ZNF654: variants seen among roughly 807,000 people sequenced by gnomAD.
ZNF654 encodes melanoma-associated antigen.
ZNF654 carries 19 observed loss-of-function variants against 95.3 expected under a neutral mutation model. The ratio of observed to expected loss-of-function variants is 0.20; its 90% CI spans 0.14 to 0.29. The LOEUF is 0.29. Ranked by LOEUF, ZNF654 falls within the 10% of genes least tolerant of loss-of-function variation. The pLI is 1.00. For missense variants in ZNF654, 1,046 were observed against 1,341.0 expected, an observed-to-expected ratio of 0.78 and a Z score of 3.44; for synonymous variants, 413 against 457.9, an observed-to-expected ratio of 0.90 and a Z score of 1.25.
At chr3:88,065,150 G>GGATA (rs1309175939) in intron 1 of ZNF654, among the ~76,000 whole-genome samples, 1 of 152,082 alleles carries the variant, frequency 6.6e-6, no homozygotes, top group East Asian at 1.9e-4. Context: ...GGCACATTTG[G>GGATA]GATATTTCAA....
chr3:88,089,153 T>TTGATTA (rs1336825829), intron 2 of ZNF654, among the ~76,000 whole-genome samples: 2 of 151,712 alleles, frequency 1.3e-5, no homozygotes, highest in African/African-American at 4.8e-5. Flanking sequence ...TTTGAACTTT[T>TTGATTA]TGATTATACC....
chr3:88,059,439 T>C lies in ZNF654; in HGVS notation c.120T>C (p.Ala40=). The C allele has an allele frequency of 6.6e-7, 1 of 1,521,192 alleles. No homozygotes were observed. The highest frequency in any genetic ancestry group is 8.8e-7 in the Non-Finnish European group (1 of 1,141,738). 94.2% of individuals were successfully genotyped at this position (1,521,192 alleles called of 1,614,324 possible). The change falls in exon 1 of 9, where the codon GCT becomes GCC. Residue 40 remains alanine, a synonymous_variant. Transcript: ENST00000636215. The part of the protein sequence containing the change: ...LRAAGDGRGG[A]GSGNCGGGVG... The stretch of plus-strand genomic sequence containing the variant: ...CTGCGGGCGACGGCAGAGGCGGCGC[T>C]GGCAGCGGCAACTGCGGCGGCGGCG...
At chr3:88,138,540 A>G (rs182105516) in intron 7 of ZNF654, among the ~76,000 whole-genome samples, 165 bp from the exon 8 acceptor site, 389 of 152,320 alleles carry the variant, frequency 2.6e-3, no homozygotes, top group African/African-American at 9.1e-3. Flanking sequence ...AGAGAAAGGT[A>G]TATATTTAAA....
chr3:88,070,917 C>G (rs1559689773), intron 1 of ZNF654, among the ~76,000 whole-genome samples: 1 of 152,062 alleles, frequency 6.6e-6, no homozygotes, highest in African/African-American at 2.4e-5. Context: ...ATGATGGATA[C>G]TTTTTTTCTC....
chr3:88,088,466 C>T (rs149860354), intron 2 of ZNF654, among the ~76,000 whole-genome samples: 334 of 151,930 alleles, frequency 2.2e-3, no homozygotes, highest in Middle Eastern at 6.8e-3. Context: ...ATCAGTATCA[C>T]GCTGTGTGAA....
intron 2 of ZNF654, among the ~76,000 whole-genome samples, chr3:88,109,457 C>G (rs1012594963): frequency 1.3e-5 from 2 of 152,028 alleles, no homozygotes; most frequent in African/African-American, 4.8e-5. Flanking sequence ...CCTAATTTTC[C>G]TTTACTTAAA....
At chr3:88,106,093 G>T (rs1004771633) in intron 2 of ZNF654, among the ~76,000 whole-genome samples, 1 of 152,188 alleles carries the variant, frequency 6.6e-6, no homozygotes, top group African/African-American at 2.4e-5. Flanking sequence ...CTGATGAGCT[G>T]CCAGAACTGG....
At chr3:88,087,232 C>T (rs1157247763) in intron 2 of ZNF654, among the ~76,000 whole-genome samples, 1 of 152,002 alleles carries the variant, frequency 6.6e-6, no homozygotes, top group East Asian at 1.9e-4. Context: ...TGTGCACCAC[C>T]ATGCCTGGAT....
chr3:88,083,119 A>G (rs1352444149), intron 1 of ZNF654, among the ~76,000 whole-genome samples: 1 of 150,758 alleles, frequency 6.6e-6, no homozygotes, highest in Non-Finnish European at 1.5e-5. Context: ...ATAGGACTTC[A>G]CCTTTATGAC....
At chr3:88,114,441 A>G (rs1004773460) in intron 3 of ZNF654, among the ~76,000 whole-genome samples, 1 of 152,162 alleles carries the variant, frequency 6.6e-6, no homozygotes, top group Non-Finnish European at 1.5e-5. Flanking sequence ...TTCCCTTGTA[A>G]GCAGGGTGCC....
At position 88,138,918 on chromosome 3, in the gene ZNF654, C is replaced by A. The variant is rs1179181509; in HGVS notation, c.1249C>A (p.Arg417Ser). 4 of 1,234,994 alleles carry A rather than the reference C, an allele frequency of 3.2e-6. No individual in the cohort carries two copies. The highest frequency in any genetic ancestry group is 1.6e-5 in the African/African-American group (1 of 64,412). The allele number at this position is 1,234,994 out of a possible 1,614,324, so 76.5% of individuals were successfully genotyped here. A position where few individuals can be genotyped will look rare whatever the true frequency, so the allele number is the denominator to read the frequency against. The change falls in exon 8 of 9, where the codon CGT (arginine) becomes AGT (serine). Residue 417 changes from arginine to serine, a missense_variant. Physicochemically the swap from Arg to Ser is moderately radical, Grantham distance 110. Coordinates refer to ENST00000636215, the MANE Select transcript of ZNF654 (RefSeq NM_001350134.2). ...AYRTVEELYK[R>S]PDEEYNEGTS... Reference sequence around the variant, plus strand: ...TCGTACTGTTGAAGAGCTTTACAAACGTCCAGATGAAGAATATAATGAAGG... The same window carrying A: ...TCGTACTGTTGAAGAGCTTTACAAAAGTCCAGATGAAGAATATAATGAAGG...
In ZNF654 at chr3:88,140,674, T is replaced by G; in HGVS notation, c.3005T>G (p.Ile1002Ser). The change falls in exon 8 of 9, where the codon ATC becomes AGC. Residue 1002 changes from isoleucine (I) to serine (S), a missense_variant. By Grantham distance (142) the Ile-to-Ser change is moderately radical. Around this residue, in one of 9 missense-constraint regions of ZNF654, gnomAD observed 495 missense variants for 537.0 expected, o/e 0.92. Transcript: ENST00000636215. Reference protein sequence around the residue: ...DPALKIDTNRIRTENGSILPS... With the variant: ...DPALKIDTNRSRTENGSILPS... ...GCTTTGAAAATTGATACAAACAGAA[T>G]CAGGACAGAAAATGGTTCCATTTTG... The G allele has an allele frequency of 6.2e-7, 1 of 1,613,642 alleles. No individual in the cohort carries two copies. The highest frequency in any genetic ancestry group is 8.5e-7 in the Non-Finnish European group (1 of 1,179,710).
chr3:88,092,777 C>T (rs1336098230), intron 2 of ZNF654, among the ~76,000 whole-genome samples: 1 of 152,022 alleles, frequency 6.6e-6, no homozygotes, highest in African/African-American at 2.4e-5. Flanking sequence ...TTGTAAGTTA[C>T]TATATTCTCT....
At chr3:88,119,577 GACTA>G (rs1033558456) in intron 3 of ZNF654, among the ~76,000 whole-genome samples, 5 of 151,428 alleles carry the variant, frequency 3.3e-5, no homozygotes, top group African/African-American at 9.7e-5. Flanking sequence ...AATTATTGGA[GACTA>G]ACTAGCCCAC....
In ZNF654 at chr3:88,139,164, T is replaced by C. The variant is rs1706972113; in HGVS notation, c.1495T>C (p.Phe499Leu). 2 of 1,347,766 alleles carry C rather than the reference T, an allele frequency of 1.5e-6. No individual in the cohort carries two copies. The highest frequency in any genetic ancestry group is 1.5e-5 in the African/African-American group (1 of 66,346). The allele number at this position is 1,347,766 out of a possible 1,614,324, so 83.5% of individuals were successfully genotyped here. A position where few individuals can be genotyped will look rare whatever the true frequency, so the allele number is the denominator to read the frequency against. ...GGAACAGCAAGGTTTGGATGAAGGG[T>C]TTGACTCTCTTACAGATCAGAGCAC... ...TEEQQGLDEGFDSLTDQSTGE... is the reference protein window; with the variant it reads ...TEEQQGLDEGLDSLTDQSTGE... The change falls in exon 8 of 9, where the codon TTT becomes CTT. Residue 499 changes from phenylalanine (F) to leucine (L), a missense_variant. This residue lies in a region of ZNF654 where 100 missense variants were observed against 108.9 expected (regional missense o/e 0.92). Coordinates refer to ENST00000636215, the MANE Select transcript of ZNF654 (RefSeq NM_001350134.2).
chr3:88,069,470 T>A (rs1409438765), intron 1 of ZNF654, among the ~76,000 whole-genome samples: 2 of 152,176 alleles, frequency 1.3e-5, no homozygotes, highest in Non-Finnish European at 2.9e-5. Flanking sequence ...CCCAACCCAC[T>A]TGAATGGGAT....
At position 88,108,331 on chromosome 3, in the gene ZNF654, C is replaced by T. The variant is rs141599661; in HGVS notation, c.333-4784C>T. Among the ~76,000 whole-genome samples the T allele has an allele frequency of 5.4e-3, 814 of 151,880 alleles. 5 individuals are homozygous for T. The highest frequency in any genetic ancestry group is 0.017 in the African/African-American group (699 of 41,408). ...TTTTAGTCAAGGCAAGCTATTTTAT[C>T]TAGCATTTTAATTGTTTTCAGAGGG... On this transcript the variant is annotated intron_variant, in intron 2 of 8. Transcript: ENST00000636215.
chr3:88,093,546 G>C (rs1397966574), intron 2 of ZNF654, among the ~76,000 whole-genome samples: 1 of 152,188 alleles, frequency 6.6e-6, no homozygotes, highest in Admixed American at 6.5e-5. Context: ...TTGGCAAGCT[G>C]TCTAAGAGAA....
intron 1 of ZNF654, among the ~76,000 whole-genome samples, chr3:88,075,986 C>G (rs1366684081): frequency 6.6e-6 from 1 of 152,170 alleles, no homozygotes; most frequent in East Asian, 1.9e-4. Flanking sequence ...CATTTACTTC[C>G]CTGAGACCTA....
Sources: allele counts gnomAD v4.1 joint callset (sites outside exome capture counted in the v4.1 genomes callset), GRCh38; gene constraint gnomAD v4.1.1; regional missense constraint gnomAD v4.1.1; transcripts MANE v1.5; gene names NCBI Gene and HGNC (gene_info 2026-07-23, HGNC 2026-07-21).